The following GRIP1 variants were observed in gnomAD, a reference collection of about 807,000 sequenced individuals.
GRIP1 encodes glutamate receptor interacting protein 1.
A neutral mutation model predicts 129.9 loss-of-function variants in GRIP1; 45 were observed. The ratio of observed to expected loss-of-function variants is 0.35; its 90% CI spans 0.27 to 0.44. The LOEUF is 0.44. Ranked by LOEUF, GRIP1 falls within the 20% of genes least tolerant of loss-of-function variation. The probability of loss-of-function intolerance (pLI) is 1.00; values close to 1 mark genes in which losing one functional copy is unlikely to be tolerated. For missense variants in GRIP1, 1,196 were observed against 1,396.8 expected (o/e 0.86, Z 2.29); for synonymous variants, 530 against 520.8 (o/e 1.02, Z -0.24).
upstream of GRIP1, among the ~76,000 whole-genome samples, chr12:66,683,917 T>C (rs1385216528): frequency 6.6e-6 from 1 of 152,206 alleles, no homozygotes; most frequent in African/African-American, 2.4e-5. Flanking sequence ...ATGGAGGTAT[T>C]ATGTAGGAGA....
chr12:66,694,021 G>A (rs1300738801), intron 1 of GRIP1, among the ~76,000 whole-genome samples: 1 of 152,090 alleles, frequency 6.6e-6, no homozygotes, highest in Non-Finnish European at 1.5e-5. Context: ...CACTCTCAGG[G>A]CCACTGCCAG....
rs958935454 is a variant in GRIP1, at chr12:66,421,566, CT to C, written c.1769-778del. ...TCTTGATCAATCAATCAATAAAGTT[CT>C]TTTTTTTTTCCTCACAAGGAAATCT... is the stretch of plus-strand genomic sequence containing the variant. On this transcript the variant is annotated intron_variant, in intron 14 of 24. Transcript: ENST00000359742. Among the ~76,000 whole-genome samples the C allele has an allele frequency of 5.9e-3, 874 of 148,422 alleles. 9 individuals are homozygous for C. The highest frequency in any genetic ancestry group is 0.02 in the African/African-American group (806 of 40,536).
intron 1 of GRIP1, among the ~76,000 whole-genome samples, chr12:66,987,371 G>A (rs1005230645): frequency 1.3e-5 from 2 of 152,208 alleles, no homozygotes; most frequent in Non-Finnish European, 2.9e-5. Flanking sequence ...TACAATGAGA[G>A]ATGGGAATCC....
intron 1 of GRIP1, among the ~76,000 whole-genome samples, chr12:66,623,344 G>A (rs1426141144): frequency 6.6e-6 from 1 of 152,076 alleles, no homozygotes; most frequent in East Asian, 1.9e-4. Flanking sequence ...ATTCTTATCT[G>A]CAGTATTCAG....
chr12:66,379,262 ATTGG>A lies in GRIP1; in HGVS notation c.2621+14_2621+17del. ...ATGCAGTCATCTTGGATGAGGCAGCATTGGTTGAAAACCTTACCCACTGGCTGTG... is the reference window on the plus strand; with the variant it reads ...ATGCAGTCATCTTGGATGAGGCAGCATTGAAAACCTTACCCACTGGCTGTG... On this transcript the variant is annotated intron_variant, in intron 20 of 24. Transcript: ENST00000359742. The A allele has an allele frequency of 6.2e-7, 1 of 1,612,386 alleles. No homozygotes were observed. Among genetic ancestry groups the A allele is most frequent in the Non-Finnish European group, 8.5e-7 (1 of 1,178,946 alleles).
chr12:66,785,715 A>G (rs1244377288), intron 1 of GRIP1, among the ~76,000 whole-genome samples: 1 of 152,178 alleles, frequency 6.6e-6, no homozygotes, highest in Non-Finnish European at 1.5e-5. Flanking sequence ...AAATAAAATA[A>G]AGCCAAACAA....
chr12:66,634,466 C>T (rs1248923094), intron 1 of GRIP1, among the ~76,000 whole-genome samples: 1 of 152,046 alleles, frequency 6.6e-6, no homozygotes. Flanking sequence ...AATGGCTTTC[C>T]ATTTACAGTG....
At chr12:66,743,596 T>TGTG (rs34476303) in intron 1 of GRIP1, among the ~76,000 whole-genome samples, 108 of 151,416 alleles carry the variant, frequency 7.1e-4, no homozygotes, top group Admixed American at 5.3e-3. Context: ...GGCTTTTTTT[T>TGTG]TGTGTGTGTG....
chr12:66,718,200 A>G (rs1316033034), intron 1 of GRIP1, among the ~76,000 whole-genome samples: 3 of 152,012 alleles, frequency 2.0e-5, no homozygotes, highest in African/African-American at 7.2e-5. Flanking sequence ...TCCTGCCACC[A>G]CTAATGTCCT....
intron 1 of GRIP1, among the ~76,000 whole-genome samples, chr12:67,030,294 C>T: frequency 6.6e-6 from 1 of 151,566 alleles, no homozygotes; most frequent in East Asian, 1.9e-4. Context: ...CCTAAGACAT[C>T]AGAAAATTAT....
At chr12:66,580,592 G>C (rs2063336031) in intron 2 of GRIP1, among the ~76,000 whole-genome samples, 1 of 148,328 alleles carries the variant, frequency 6.7e-6, no homozygotes, top group Non-Finnish European at 1.5e-5. Context: ...AACAAAAAAA[G>C]GCAGGGGTTG....
At chr12:66,992,298 C>A (rs1345484451) in intron 1 of GRIP1, among the ~76,000 whole-genome samples, 1 of 152,030 alleles carries the variant, frequency 6.6e-6, no homozygotes, top group Admixed American at 6.6e-5. Flanking sequence ...CATGAAGAAG[C>A]AGGCTGCATT....
At chr12:67,015,778 G>T (rs1165604090) in intron 1 of GRIP1, among the ~76,000 whole-genome samples, 1 of 152,192 alleles carries the variant, frequency 6.6e-6, no homozygotes. Flanking sequence ...AGGGATACAT[G>T]ATGCATCACT....
At chr12:66,572,941 C>T (rs559652584) in intron 2 of GRIP1, among the ~76,000 whole-genome samples, 9 of 152,178 alleles carry the variant, frequency 5.9e-5, no homozygotes, top group African/African-American at 2.2e-4. Flanking sequence ...GTTCACTGCC[C>T]TTAGATGTCC....
intron 7 of GRIP1, among the ~76,000 whole-genome samples, chr12:66,503,597 T>G (rs2060448821): frequency 6.6e-6 from 1 of 152,190 alleles, no homozygotes; most frequent in Admixed American, 6.5e-5. Context: ...TCAGTTGAAT[T>G]CTTTCTTCTG....
At chr12:66,557,698 C>G (rs552937695) in intron 2 of GRIP1, among the ~76,000 whole-genome samples, 1 of 152,158 alleles carries the variant, frequency 6.6e-6, no homozygotes, top group Non-Finnish European at 1.5e-5. Flanking sequence ...GGAAATGAAA[C>G]AGTATGCTCC....
chr12:66,653,471 T>G (rs1210146570), intron 1 of GRIP1, among the ~76,000 whole-genome samples: 2 of 152,206 alleles, frequency 1.3e-5, no homozygotes, highest in Admixed American at 1.3e-4. Context: ...ACCTCTGTAT[T>G]AGCCATTCCT....
chr12:66,719,881 T>C (rs2036006795), intron 1 of GRIP1, among the ~76,000 whole-genome samples: 1 of 152,188 alleles, frequency 6.6e-6, no homozygotes, highest in Admixed American at 6.5e-5. Flanking sequence ...AGTTGGTACA[T>C]TTTCTCAACG....
chr12:66,730,875 G>A (rs2136496710), intron 1 of GRIP1, among the ~76,000 whole-genome samples: 1 of 152,108 alleles, frequency 6.6e-6, no homozygotes, highest in South Asian at 2.1e-4. Flanking sequence ...TGGCTGCCCT[G>A]TCACTTTAAT....
Sources: gnomAD v4.1 joint callset for allele counts (sites outside exome capture counted in the v4.1 genomes callset) on GRCh38, gnomAD v4.1.1 for gene constraint, MANE v1.5 for transcripts, NCBI Gene and HGNC (gene_info 2026-07-23, HGNC 2026-07-21) for gene names.